SLC25A48: variants seen among roughly 807,000 people sequenced by gnomAD.
The protein encoded by SLC25A48 is CTC-321K16.1.
A neutral mutation model predicts 32.2 loss-of-function variants in SLC25A48; 29 were observed. That is an observed-to-expected ratio of 0.90 (90% CI 0.67 to 1.23). SLC25A48 has a LOEUF of 1.23. SLC25A48 is among the 50% of genes most tolerant of loss of function. The pLI, the probability that SLC25A48 is intolerant of heterozygous loss-of-function variation, is 0.00. For missense variants in SLC25A48, 399 were observed against 422.7 expected (o/e 0.94, Z 0.49); for synonymous variants, 164 against 172.3 (o/e 0.95, Z 0.38).
At chr5:135,619,903 C>A (rs1280854020) in intron 1 of SLC25A48, among the ~76,000 whole-genome samples, 1 of 152,044 alleles carries the variant, frequency 6.6e-6, no homozygotes, top group Non-Finnish European at 1.5e-5. Flanking sequence ...GCTGAGTATG[C>A]CTGTCCTTGG....
intron 4 of SLC25A48, among the ~76,000 whole-genome samples, chr5:135,817,730 G>A (rs1450524183): frequency 1.3e-5 from 2 of 152,136 alleles, no homozygotes; most frequent in African/African-American, 4.8e-5. Flanking sequence ...AAAAAGTCAA[G>A]GCACAACCTG....
chr5:135,620,951 A>G (rs1343256440), intron 1 of SLC25A48, among the ~76,000 whole-genome samples: 1 of 152,080 alleles, frequency 6.6e-6, no homozygotes, highest in Non-Finnish European at 1.5e-5. Flanking sequence ...CTCATGGCAA[A>G]TCCCAGCTAA....
upstream of SLC25A48, among the ~76,000 whole-genome samples, chr5:135,831,979 C>T (rs1326157812): frequency 4.6e-5 from 7 of 152,034 alleles, no homozygotes; most frequent in South Asian, 6.2e-4. Flanking sequence ...CAGGACTTTG[C>T]GGCTGGTGGG....
At chr5:135,704,867 T>C (rs1010734710) in intron 3 of SLC25A48, among the ~76,000 whole-genome samples, 6 of 152,202 alleles carry the variant, frequency 3.9e-5, no homozygotes, top group Non-Finnish European at 5.9e-5. Context: ...GGTAGCTTCC[T>C]GGCATTAGGC....
chr5:135,757,340 T>A (rs952178819), intron 3 of SLC25A48, among the ~76,000 whole-genome samples: 1 of 149,668 alleles, frequency 6.7e-6, no homozygotes, highest in African/African-American at 2.4e-5. Flanking sequence ...ATTTATAATG[T>A]CTAGTGTTAA....
At chr5:135,744,396 G>T (rs990515385) in intron 3 of SLC25A48, among the ~76,000 whole-genome samples, 2 of 151,846 alleles carry the variant, frequency 1.3e-5, no homozygotes, top group Admixed American at 6.6e-5. Context: ...TGTCACCCAG[G>T]CTGGGGGGCA....
At chr5:135,597,722 A>G (rs1333053517) in intron 1 of SLC25A48, among the ~76,000 whole-genome samples, 4 of 152,322 alleles carry the variant, frequency 2.6e-5, no homozygotes, top group Non-Finnish European at 5.9e-5. Context: ...GTCCCCACCT[A>G]GCTGGGTGCA....
At chr5:135,871,908 A>T (rs1336596197) in intron 5 of SLC25A48, 190 bp downstream of exon 5, 45 of 1,476,424 alleles carry the variant, frequency 3.0e-5, no homozygotes, top group Non-Finnish European at 3.8e-5. Flanking sequence ...TTCCCTATGC[A>T]GCTATGAGAA....
At chr5:135,854,567 C>A (rs539554749) in intron 4 of SLC25A48, among the ~76,000 whole-genome samples, 1 of 152,222 alleles carries the variant, frequency 6.6e-6, no homozygotes, top group African/African-American at 2.4e-5. Flanking sequence ...AGCTTCCTCA[C>A]CTCTCTCCAC....
In SLC25A48 at chr5:135,694,039, TA is replaced by T. The variant is rs139718803; in HGVS notation, c.-521+59084del. Among the ~76,000 whole-genome samples the T allele has an allele frequency of 8.2e-3, 1,244 of 152,328 alleles. 19 individuals carry two copies. The highest frequency in any genetic ancestry group is 0.029 in the African/African-American group (1,209 of 41,580). ...CGATGAGGGTGTGCCTGGTGAGCTCTAGGCGCTGAGCCCACCTTTTCCACCC... is the reference window on the plus strand; with the variant it reads ...CGATGAGGGTGTGCCTGGTGAGCTCTGGCGCTGAGCCCACCTTTTCCACCC... On this transcript the variant is annotated intron_variant, in intron 3 of 10. Transcript: ENST00000646290.
At chr5:135,881,946 T>A (rs1762500564) in intron 7 of SLC25A48, among the ~76,000 whole-genome samples, 1 of 152,210 alleles carries the variant, frequency 6.6e-6, no homozygotes, top group African/African-American at 2.4e-5. Flanking sequence ...ACCTCCCAGA[T>A]CCCAGAGTGG....
chr5:135,690,433 A>G (rs949308040), intron 3 of SLC25A48, among the ~76,000 whole-genome samples: 4 of 152,172 alleles, frequency 2.6e-5, no homozygotes, highest in African/African-American at 9.6e-5. Context: ...AGAACTAACA[A>G]GGCTGGGTCT....
chr5:135,792,917 G>T (rs76544280), intron 3 of SLC25A48, among the ~76,000 whole-genome samples: 2 of 150,782 alleles, frequency 1.3e-5, no homozygotes. Context: ...GATATGGTTC[G>T]TAATATCCTG....
chr5:135,649,790 G>C (rs961092481), intron 3 of SLC25A48: 1 of 153,602 alleles, frequency 6.5e-6, no homozygotes, highest in Non-Finnish European at 1.4e-5. Context: ...TGGGTAGTAG[G>C]GGGTGGCTTT....
rs139881443 is a variant in SLC25A48 at position 135,633,031 on chromosome 5, G to T, written c.-708-1738G>T. 6.0e-3 allele frequency among the ~76,000 whole-genome samples: 912 copies of T among 152,316 alleles called. 5 individuals carry two copies. Among genetic ancestry groups the T allele is most frequent in the Non-Finnish European group, 8.6e-3 (584 of 68,044 alleles). ...TTGTGACAAATGGCAGTGGCTTCAG[G>T]TTATGTGGGAGGACTGCAGCCCTAA... On this transcript the variant is annotated intron_variant, in intron 2 of 10. Coordinates refer to the SLC25A48 transcript ENST00000646290.
At chr5:135,828,284 A>T (rs1464317243) in intron 4 of SLC25A48, among the ~76,000 whole-genome samples, 1 of 152,270 alleles carries the variant, frequency 6.6e-6, no homozygotes, top group Non-Finnish European at 1.5e-5. Context: ...GTGAACACTC[A>T]GGACACACAG....
intron 3 of SLC25A48, among the ~76,000 whole-genome samples, chr5:135,776,753 T>C (rs1390394075): frequency 6.6e-6 from 1 of 151,812 alleles, no homozygotes; most frequent in African/African-American, 2.4e-5. Flanking sequence ...GAAAATGATA[T>C]TACTCCCAAT....
intron 3 of SLC25A48, chr5:135,650,566 A>AC (rs765618546): frequency 4.0e-5 from 10 of 249,610 alleles, no homozygotes; most frequent in African/African-American, 1.6e-4. Context: ...AACTAAAAAA[A>AC]AAACAACAAC....
intron 5 of SLC25A48, among the ~76,000 whole-genome samples, chr5:135,873,090 C>T (rs544433315): frequency 6.6e-6 from 1 of 152,254 alleles, no homozygotes; most frequent in East Asian, 1.9e-4. Context: ...CAGGGCAGCA[C>T]CTGGGGAAGT....
Sources: gnomAD v4.1 joint callset for allele counts (sites outside exome capture counted in the v4.1 genomes callset) on GRCh38, gnomAD v4.1.1 for gene constraint, MANE v1.5 for transcripts, NCBI Gene and HGNC (gene_info 2026-07-23, HGNC 2026-07-21) for gene names.